NOX4: variants seen among roughly 807,000 people sequenced by gnomAD.
NOX4 encodes kidney oxidase-1.
NOX4 carries 69 observed loss-of-function variants against 87.6 expected under a neutral mutation model. That is an observed-to-expected ratio of 0.79 (90% CI 0.65 to 0.96). The LOEUF (loss-of-function observed/expected upper bound fraction) is 0.96, where lower values mean the gene tolerates loss of function less well. Among genes scored for constraint, NOX4 ranks in the 40% least tolerant of loss-of-function variants. NOX4 has a pLI of 0.00. For synonymous variants in NOX4, 275 were observed against 238.2 expected (o/e 1.15, Z -1.42); for missense variants, 680 against 681.5 (o/e 1.00, Z 0.02).
At chr11:89,463,091 G>A (rs1459028806) in intron 2 of NOX4, among the ~76,000 whole-genome samples, 2 of 151,662 alleles carry the variant, frequency 1.3e-5, no homozygotes, top group African/African-American at 4.8e-5. Context: ...AATTGGGATA[G>A]GAACTGAGGA....
At chr11:89,405,031 T>C (rs1942089722) in intron 8 of NOX4, among the ~76,000 whole-genome samples, 2 of 150,778 alleles carry the variant, frequency 1.3e-5, no homozygotes, top group Admixed American at 6.6e-5. Context: ...AATCAGATGG[T>C]TAAATAGGTA....
At chr11:89,428,871 G>C (rs547878862) in intron 7 of NOX4, among the ~76,000 whole-genome samples, 4 of 152,098 alleles carry the variant, frequency 2.6e-5, no homozygotes, top group African/African-American at 9.7e-5. Flanking sequence ...GGACCTAATA[G>C]ACACCTACAG....
At chr11:89,451,435 T>C (rs967108871) in intron 3 of NOX4, among the ~76,000 whole-genome samples, 1 of 152,172 alleles carries the variant, frequency 6.6e-6, no homozygotes, top group Non-Finnish European at 1.5e-5. Flanking sequence ...AGCTCTGTCA[T>C]TCCCTAGTCT....
the NOX4 span, among the ~76,000 whole-genome samples, chr11:89,508,307 T>C: frequency 6.6e-6 from 1 of 152,100 alleles, no homozygotes; most frequent in Non-Finnish European, 1.5e-5. Flanking sequence ...GCCAGCTCTC[T>C]GACAAGTGTC....
chr11:89,372,349 A>G (rs181255544), intron 12 of NOX4, among the ~76,000 whole-genome samples: 9 of 152,070 alleles, frequency 5.9e-5, no homozygotes, highest in Admixed American at 1.3e-4. Context: ...GGCATTCATA[A>G]TCTTCACCAA....
the NOX4 span, among the ~76,000 whole-genome samples, chr11:89,536,138 CTTTTTTTTTTTTTT>C: frequency 2.2e-5 from 2 of 88,954 alleles, no homozygotes; most frequent in East Asian, 7.1e-4. Flanking sequence ...TGGTCCTTTT[CTTTTTTTTTTTTTT>C]TTTTTTTTTT....
chr11:89,451,784 C>T lies in NOX4; in HGVS notation c.264+1G>A. The T allele has an allele frequency of 6.2e-7, 1 of 1,600,138 alleles. No homozygotes were observed. Among genetic ancestry groups the T allele is most frequent in the Non-Finnish European group, 8.6e-7 (1 of 1,167,848 alleles). On this transcript the variant is annotated splice_donor_variant, in intron 3 of 17. Coordinates refer to ENST00000263317, the MANE Select transcript of NOX4 (RefSeq NM_016931.5). LOFTEE classifies it high-confidence loss of function. ...TTGAAAGTAGGACTGTTTTTTCTTA[C>T]CTTCTGTGATCCTCGGAGGTAAGCC...
At chr11:89,488,929 G>C (rs1946736111) in intron 2 of NOX4, 1 of 684,430 alleles carries the variant, frequency 1.5e-6, no homozygotes, top group Non-Finnish European at 2.6e-6. Context: ...TAAGCAACTT[G>C]AGGGGCGAGG....
chr11:89,584,844 A>C, the NOX4 span, among the ~76,000 whole-genome samples: 2 of 152,102 alleles, frequency 1.3e-5, no homozygotes, highest in East Asian at 3.9e-4. Context: ...TCTATCACTC[A>C]TCTATCTATC....
intron 6 of NOX4, among the ~76,000 whole-genome samples, chr11:89,437,535 C>T (rs1429065076): frequency 6.6e-6 from 1 of 152,040 alleles, no homozygotes; most frequent in Non-Finnish European, 1.5e-5. Flanking sequence ...GAAGTGGATG[C>T]CTCCTGCTGG....
upstream of NOX4, among the ~76,000 whole-genome samples, chr11:89,493,053 G>T (rs1167717899): frequency 1.3e-5 from 2 of 152,158 alleles, no homozygotes; most frequent in Non-Finnish European, 2.9e-5. Flanking sequence ...CATTCTCATA[G>T]TAGCCCTCCA....
chr11:89,386,001 T>A (rs1025940423), intron 11 of NOX4, among the ~76,000 whole-genome samples: 1 of 152,144 alleles, frequency 6.6e-6, no homozygotes, highest in Non-Finnish European at 1.5e-5. Context: ...GGAACCTTCA[T>A]ACCCCTTACT....
intron 6 of NOX4, among the ~76,000 whole-genome samples, chr11:89,438,765 TA>T (rs1284572595): frequency 1.4e-5 from 1 of 69,864 alleles, no homozygotes; most frequent in Non-Finnish European, 2.4e-5. Context: ...TAATATAATA[TA>T]ATATAATAAT....
chr11:89,497,643 T>A (rs1946973069), intron 1 of NOX4, among the ~76,000 whole-genome samples: 1 of 152,178 alleles, frequency 6.6e-6, no homozygotes, highest in South Asian at 2.1e-4. Flanking sequence ...ATTTATACAT[T>A]TATTGATGAG....
At chr11:89,464,319 C>T (rs1289823510) in intron 2 of NOX4, among the ~76,000 whole-genome samples, 2 of 152,098 alleles carry the variant, frequency 1.3e-5, no homozygotes, top group East Asian at 1.9e-4. Context: ...CTTTCTCATA[C>T]ATGTTTGTTC....
chr11:89,579,839 A>C, the NOX4 span, among the ~76,000 whole-genome samples: 1 of 152,030 alleles, frequency 6.6e-6, no homozygotes, highest in African/African-American at 2.4e-5. Context: ...GATGTATATG[A>C]TGTTGATATT....
intron 11 of NOX4, among the ~76,000 whole-genome samples, chr11:89,381,174 G>A (rs1218194322): frequency 2.6e-5 from 4 of 152,134 alleles, no homozygotes; most frequent in Non-Finnish European, 5.9e-5. Flanking sequence ...CTATGTAAAA[G>A]TACAGACAAT....
At chr11:89,521,435 G>T in the NOX4 span, among the ~76,000 whole-genome samples, 1 of 151,972 alleles carries the variant, frequency 6.6e-6, no homozygotes, top group Non-Finnish European at 1.5e-5. Context: ...ACAGGGAAAG[G>T]GCTCCATATT....
the NOX4 span, chr11:89,548,133 GCA>G: frequency 6.6e-6 from 1 of 152,036 alleles, no homozygotes; most frequent in African/African-American, 2.4e-5. Context: ...AACATACAGT[GCA>G]ATGGACTGAA....
Sources: gnomAD v4.1 joint callset for allele counts (sites outside exome capture counted in the v4.1 genomes callset) on GRCh38, gnomAD v4.1.1 for gene constraint, MANE v1.5 for transcripts, NCBI Gene and HGNC (gene_info 2026-07-23, HGNC 2026-07-21) for gene names.